DUSP16: variants seen among roughly 807,000 people sequenced by gnomAD.
DUSP16 encodes dual specificity phosphatase 16, also known as dual specificity protein phosphatase 16.
In DUSP16, 21 loss-of-function variants were observed where a neutral mutation model predicts 58.3. The ratio of observed to expected loss-of-function variants is 0.36; its 90% CI spans 0.26 to 0.52. The LOEUF is 0.52. Ranked by LOEUF, DUSP16 falls within the 20% of genes least tolerant of loss-of-function variation. The pLI, the probability that DUSP16 is intolerant of heterozygous loss-of-function variation, is 0.94. For missense variants in DUSP16, 726 were observed against 819.0 expected, an observed-to-expected ratio of 0.89 and a Z score of 1.39; for synonymous variants, 320 against 323.8, an observed-to-expected ratio of 0.99 and a Z score of 0.12.
intron 5 of DUSP16, among the ~76,000 whole-genome samples, chr12:12,486,085 G>A (rs187644588): frequency 4.6e-5 from 7 of 152,032 alleles, no homozygotes; most frequent in Non-Finnish European, 7.4e-5. Context: ...GACCCACCGC[G>A]CCTGGCCAAT....
intron 3 of DUSP16, among the ~76,000 whole-genome samples, chr12:12,508,729 A>G (rs951396761): frequency 6.6e-6 from 1 of 152,216 alleles, no homozygotes; most frequent in Non-Finnish European, 1.5e-5. Context: ...AGCTTGCCCT[A>G]TATTAAACAA....
At chr12:12,527,816 G>A (rs1025361435) in intron 1 of DUSP16, among the ~76,000 whole-genome samples, 4 of 152,138 alleles carry the variant, frequency 2.6e-5, no homozygotes, top group Non-Finnish European at 4.4e-5. Flanking sequence ...TATCCGCACC[G>A]TAGAACCCAG....
intron 1 of DUSP16, among the ~76,000 whole-genome samples, chr12:12,561,668 G>A (rs1239350754): frequency 6.6e-6 from 1 of 152,214 alleles, no homozygotes; most frequent in Non-Finnish European, 1.5e-5. Flanking sequence ...GGGGATAATG[G>A]GAACAGTCAG....
intron 5 of DUSP16, among the ~76,000 whole-genome samples, chr12:12,483,530 C>T (rs1162910139): frequency 6.6e-6 from 1 of 152,096 alleles, no homozygotes; most frequent in African/African-American, 2.4e-5. Flanking sequence ...CAAACCACTT[C>T]ACTAATAACC....
intron 1 of DUSP16, among the ~76,000 whole-genome samples, chr12:12,555,805 C>T (rs373549006): frequency 2.6e-5 from 4 of 152,064 alleles, no homozygotes; most frequent in Admixed American, 1.3e-4. Context: ...TGCTTTGGGA[C>T]GCCGAGGTGG....
intron 3 of DUSP16, among the ~76,000 whole-genome samples, chr12:12,503,900 G>C (rs1943948097): frequency 6.6e-6 from 1 of 152,168 alleles, no homozygotes; most frequent in Non-Finnish European, 1.5e-5. Context: ...TGCTACGCTA[G>C]GGTCAAAGCA....
intron 1 of DUSP16, among the ~76,000 whole-genome samples, chr12:12,551,176 T>C (rs1944720630): frequency 6.6e-6 from 1 of 151,924 alleles, no homozygotes; most frequent in African/African-American, 2.4e-5. Flanking sequence ...TTCTCTAAAA[T>C]GAATAAAGTG....
chr12:12,523,944 C>G (rs1178716697), intron 1 of DUSP16, among the ~76,000 whole-genome samples: 2 of 152,188 alleles, frequency 1.3e-5, no homozygotes, highest in African/African-American at 2.4e-5. Flanking sequence ...CAAGTTGATT[C>G]CAACAATGGC....
Position 12,476,610 on chromosome 12 carries a change from T to C in DUSP16, c.*223A>G. 1 of 479,270 alleles carries C rather than the reference T, an allele frequency of 2.1e-6. No homozygotes were observed. The highest frequency in any genetic ancestry group is 2.0e-5 in the African/African-American group (1 of 49,948). The allele number at this position is 479,270 out of a possible 1,614,324, so 29.7% of individuals were successfully genotyped here. A position where few individuals can be genotyped will look rare whatever the true frequency, so the allele number is the denominator to read the frequency against. ...GTTTTCCTCCGTCTAGGGGGGATTC[T>C]AGCATCTGCCCTTCCATTTTTGTTG... On this transcript the variant is annotated 3_prime_UTR_variant, in exon 7 of 7. Coordinates refer to ENST00000298573, the MANE Select transcript of DUSP16 (RefSeq NM_030640.3).
rs1566072913 is a variant in DUSP16 at position 12,562,778 on chromosome 12, C to T, written c.-1027G>A. On this transcript the variant is annotated 5_prime_UTR_variant, in exon 1 of 7. Coordinates refer to ENST00000298573, the MANE Select transcript of DUSP16 (RefSeq NM_030640.3). ...CGCGCGCTCGCCCATCCCGCGGCCG[C>T]CCGAGCCCGGAGCGCGGCTCCGCGC... is the stretch of plus-strand genomic sequence containing the variant. 6.6e-6 allele frequency among the ~76,000 whole-genome samples: 1 copy of T among 151,454 alleles called. No homozygotes were observed. The highest frequency in any genetic ancestry group is 2.4e-5 in the African/African-American group (1 of 41,350).
At chr12:12,478,336 CTT>C (rs541835613) in intron 6 of DUSP16, among the ~76,000 whole-genome samples, 5 of 144,218 alleles carry the variant, frequency 3.5e-5, no homozygotes, top group Admixed American at 6.9e-5. Context: ...TGGTGGTGGT[CTT>C]TTTTTTTTTT....
intron 4 of DUSP16, 142 bp downstream of exon 4, chr12:12,500,377 C>A: frequency 1.1e-6 from 1 of 941,094 alleles, no homozygotes; most frequent in African/African-American, 1.7e-5. Context: ...AGAGATGACG[C>A]AACTGTTACC....
intron 1 of DUSP16, among the ~76,000 whole-genome samples, chr12:12,531,756 G>A (rs186002853): frequency 4.2e-4 from 64 of 152,034 alleles, no homozygotes; most frequent in African/African-American, 1.5e-3. Flanking sequence ...CTGTAATCCC[G>A]GCTACTCGGG....
intron 3 of DUSP16, among the ~76,000 whole-genome samples, chr12:12,514,671 C>A (rs1029483153): frequency 2.6e-5 from 4 of 152,084 alleles, no homozygotes; most frequent in African/African-American, 9.7e-5. Context: ...TGTGTAATTT[C>A]TTTTTTCTTC....
chr12:12,474,054 T>C lies in DUSP16; in HGVS notation c.*2779A>G, dbSNP rs1943367464. ...TGTTAGCTAATCATCCGGTGTTCCA[T>C]GTGAATGACAGAACACGGAATAAAC... On this transcript the variant is annotated 3_prime_UTR_variant, in exon 7 of 7. Coordinates refer to ENST00000298573, the MANE Select transcript of DUSP16 (RefSeq NM_030640.3). Among the ~76,000 whole-genome samples the C allele has an allele frequency of 6.6e-6, 1 of 152,206 alleles. No individual in the cohort carries two copies. The highest frequency in any genetic ancestry group is 2.1e-4 in the South Asian group (1 of 4,828).
rs142781003 is a variant in DUSP16, at chr12:12,496,441, A to G, written c.531+4078T>C. Among the ~76,000 whole-genome samples, 712 of 152,342 alleles carry G rather than the reference A, an allele frequency of 4.7e-3. 8 individuals carry two copies. Among genetic ancestry groups the G allele is most frequent in the African/African-American group, 0.016 (645 of 41,580 alleles). Reference sequence around the variant, plus strand: ...AACAATAAGAAAGCCTAGGAAAACCAATTTTGCATGTTAAGAGGCTGAAAT... The same window carrying G: ...AACAATAAGAAAGCCTAGGAAAACCGATTTTGCATGTTAAGAGGCTGAAAT... On this transcript the variant is annotated intron_variant, in intron 4 of 6. Transcript: ENST00000298573.
intron 1 of DUSP16, among the ~76,000 whole-genome samples, chr12:12,540,948 TC>T (rs1209132566): frequency 0.075 from 3,653 of 48,470 alleles, 133 homozygotes; most frequent in East Asian, 0.1. Flanking sequence ...TCTTTTCTTT[TC>T]TTTTTTTTTT....
Position 12,521,367 on chromosome 12 carries a change from C to T in DUSP16, c.-269G>A, listed in dbSNP as rs1944234670. On this transcript the variant is annotated 5_prime_UTR_variant, in exon 2 of 7. Transcript: ENST00000298573. ...ATTCATAAAGAGATGACTGGAATAA[C>T]CATTCCACAACAAAAGATGCTTTGG... The T allele has an allele frequency of 9.0e-6, 12 of 1,336,298 alleles. No individual in the cohort carries two copies. The East Asian group carries it at 1.9e-4, about 21-fold the overall frequency. The allele number at this position is 1,336,298 out of a possible 1,614,324, so 82.8% of individuals were successfully genotyped here. A position where few individuals can be genotyped will look rare whatever the true frequency, so the allele number is the denominator to read the frequency against.
At position 12,562,767 on chromosome 12, in the gene DUSP16, T is replaced by A. The variant is rs1944926853; in HGVS notation, c.-1016A>T. On this transcript the variant is annotated 5_prime_UTR_variant, in exon 1 of 7. An upstream start codon of the reference 5' UTR is lost. Transcript: ENST00000298573. ...CCGGGCGGGGCCGCGCGCTCGCCCATCCCGCGGCCGCCCGAGCCCGGAGCG... is the reference window on the plus strand; with the variant it reads ...CCGGGCGGGGCCGCGCGCTCGCCCAACCCGCGGCCGCCCGAGCCCGGAGCG... Among the ~76,000 whole-genome samples, 2 of 151,318 alleles carry A rather than the reference T, an allele frequency of 1.3e-5. No homozygotes were observed. The highest frequency in any genetic ancestry group is 1.3e-4 in the Admixed American group (2 of 15,176).
Sources: gnomAD v4.1 joint callset for allele counts (sites outside exome capture counted in the v4.1 genomes callset) on GRCh38, gnomAD v4.1.1 for gene constraint, MANE v1.5 for transcripts, NCBI Gene and HGNC (gene_info 2026-07-23, HGNC 2026-07-21) for gene names.